Variants in SGCE observed in about 807,000 individuals in gnomAD.
SGCE encodes epsilon-sarcoglycan.
Under a neutral mutation model 57.8 loss-of-function variants are expected in SGCE, and 26 were observed. The observed-to-expected ratio is 0.45, with a 90% confidence interval of 0.33 to 0.62. The LOEUF (loss-of-function observed/expected upper bound fraction) is 0.62. Among genes scored for constraint, SGCE ranks in the 20% least tolerant of loss-of-function variants. The probability of loss-of-function intolerance (pLI) is 0.02; values close to 1 mark genes in which losing one functional copy is unlikely to be tolerated. For missense variants in SGCE, 468 were observed against 548.6 expected, an observed-to-expected ratio of 0.85 and a Z score of 1.47; for synonymous variants, 183 against 189.5, an observed-to-expected ratio of 0.97 and a Z score of 0.28.
At chr7:94,629,245 C>T (rs548353365) in intron 2 of SGCE, 31 of 154,446 alleles carry the variant, frequency 2.0e-4, no homozygotes, top group African/African-American at 7.2e-4. Context: ...ATTGGTATCA[C>T]TTAAAAGGAA....
At chr7:94,615,365 A>AATAG (rs3045711) in intron 5 of SGCE, among the ~76,000 whole-genome samples, 265 of 142,308 alleles carry the variant, frequency 1.9e-3, no homozygotes, top group Middle Eastern at 3.5e-3. Flanking sequence ...TCTCAAAATA[A>AATAG]ATAGATAGAT....
At chr7:94,623,856 A>G (rs371119895) in intron 3 of SGCE, 47 of 354,034 alleles carry the variant, frequency 1.3e-4, no homozygotes, top group East Asian at 9.9e-4. Context: ...CTGCACCCCA[A>G]TCAGTCAAAA....
At chr7:94,628,139 C>CACAT in intron 3 of SGCE, 63 bp downstream of exon 3, 1 of 674,320 alleles carries the variant, frequency 1.5e-6, no homozygotes, top group Non-Finnish European at 2.1e-6. Context: ...AATTACAATA[C>CACAT]ACACACACAC....
chr7:94,628,346 A>G lies in SGCE; in HGVS notation c.246T>C (p.Asn82=), dbSNP rs1002342370. ...PPYPKPGEIS[N]DPITFNTNLM... ...AATTTGTATTAAATGTTATGGGATC[A>G]TTACTAATCTCGCCTAGATAAGAAA... Residue 82 remains asparagine, a synonymous_variant, in exon 3 of 11, where the codon AAT becomes AAC. Transcript: ENST00000648936. The G allele has an allele frequency of 1.9e-6, 3 of 1,609,716 alleles. No homozygotes were observed. The African/African-American group carries it at 4.0e-5, about 22-fold the overall frequency.
chr7:94,603,861 A>G (rs1039154009), intron 5 of SGCE, among the ~76,000 whole-genome samples: 2 of 152,290 alleles, frequency 1.3e-5, no homozygotes, highest in African/African-American at 4.8e-5. Context: ...TAAATAACTA[A>G]GTAATACATT....
intron 1 of SGCE, among the ~76,000 whole-genome samples, chr7:94,644,330 G>A (rs1806779581): frequency 6.6e-6 from 1 of 152,168 alleles, no homozygotes; most frequent in Non-Finnish European, 1.5e-5. Context: ...TTCATTTTGA[G>A]TCTTGTAGCG....
intron 1 of SGCE, chr7:94,640,820 G>T: frequency 6.6e-6 from 1 of 152,146 alleles, no homozygotes; most frequent in Non-Finnish European, 1.5e-5. Context: ...GCTAATTTTT[G>T]TATTTTTGGT....
chr7:94,588,326 A>G, intron 10 of SGCE: 1 of 1,078,172 alleles, frequency 9.3e-7, no homozygotes, highest in Non-Finnish European at 1.1e-6. Context: ...AGAGCTTGAA[A>G]CTTCAAGCTG....
intron 8 of SGCE, chr7:94,599,229 A>C: frequency 2.9e-6 from 1 of 348,482 alleles, no homozygotes; most frequent in Non-Finnish European, 5.1e-6. Flanking sequence ...TACTGTCCTA[A>C]GTAACCAACT....
At chr7:94,636,988 G>A (rs1584735184) in intron 1 of SGCE, among the ~76,000 whole-genome samples, 1 of 151,634 alleles carries the variant, frequency 6.6e-6, no homozygotes, top group East Asian at 1.9e-4. Flanking sequence ...GAACCCGGGA[G>A]GAGGAAGTTG....
chr7:94,618,021 C>G (rs2116874935), intron 5 of SGCE: 1 of 152,322 alleles, frequency 6.6e-6, no homozygotes, highest in African/African-American at 2.4e-5. Context: ...TCTGCCTCAA[C>G]CTACAGATTA....
At chr7:94,605,988 C>T (rs1331944772) in intron 5 of SGCE, among the ~76,000 whole-genome samples, 2 of 152,014 alleles carry the variant, frequency 1.3e-5, no homozygotes, top group Non-Finnish European at 2.9e-5. Flanking sequence ...GCCACCACAC[C>T]CAGCTAATTT....
intron 5 of SGCE, among the ~76,000 whole-genome samples, chr7:94,612,341 G>T (rs1801168492): frequency 6.6e-6 from 1 of 151,928 alleles, no homozygotes; most frequent in African/African-American, 2.4e-5. Context: ...ATTGCCAAAA[G>T]AACTATTTTC....
Position 94,612,436 on chromosome 7 carries a change from C to A in SGCE, c.662+6322G>T, listed in dbSNP as rs374619922. ...TAATCTCTAAAATATAATTTTGTAT[C>A]CTGCTTTTTCACTTATTGCATCATA... On this transcript the variant is annotated intron_variant, in intron 5 of 10. Transcript: ENST00000648936. 1.2e-4 allele frequency among the ~76,000 whole-genome samples: 19 copies of A among 152,108 alleles called. No homozygotes were observed. In the South Asian group the frequency reaches 3.1e-3, roughly 25 times the overall value.
chr7:94,608,026 C>T (rs1800420978), intron 5 of SGCE, among the ~76,000 whole-genome samples: 1 of 152,044 alleles, frequency 6.6e-6, no homozygotes, highest in Admixed American at 6.6e-5. Context: ...TCCTATATAC[C>T]AGCATGAACA....
At chr7:94,637,450 C>T (rs918874425) in intron 1 of SGCE, among the ~76,000 whole-genome samples, 4 of 152,142 alleles carry the variant, frequency 2.6e-5, no homozygotes, top group Admixed American at 2.6e-4. Flanking sequence ...AAACTCTTTA[C>T]CTCAGTAGAT....
At chr7:94,587,613 A>C (rs1216402910) in intron 10 of SGCE, 21 of 1,394,028 alleles carry the variant, frequency 1.5e-5, no homozygotes, top group Admixed American at 3.9e-5. Context: ...TTGTTCCTTC[A>C]TCAATCTCCT....
chr7:94,647,571 C>T (rs1362808698), intron 1 of SGCE, among the ~76,000 whole-genome samples: 1 of 152,192 alleles, frequency 6.6e-6, no homozygotes, highest in Non-Finnish European at 1.5e-5. Context: ...TTTCCCATTG[C>T]TCTTAGTATA....
chr7:94,609,694 A>G (rs560812348), intron 5 of SGCE, among the ~76,000 whole-genome samples: 35 of 152,374 alleles, frequency 2.3e-4, no homozygotes, highest in Non-Finnish European at 4.1e-4. Flanking sequence ...GCCAAAATCC[A>G]GAACAGTGGC....
Sources: allele counts gnomAD v4.1 joint callset (sites outside exome capture counted in the v4.1 genomes callset), GRCh38; gene constraint gnomAD v4.1.1; transcripts MANE v1.5; gene names NCBI Gene and HGNC (gene_info 2026-07-23, HGNC 2026-07-21).